Variants in TEX14 observed in about 807,000 individuals in gnomAD.
TEX14 encodes inactive serine/threonine-protein kinase TEX14.
TEX14 carries 168 observed loss-of-function variants against 178.6 expected under a neutral mutation model. The ratio of observed to expected loss-of-function variants is 0.94; its 90% CI spans 0.83 to 1.07. The LOEUF (loss-of-function observed/expected upper bound fraction) is 1.07, where lower values mean the gene tolerates loss of function less well. TEX14 is among the 50% of genes least tolerant of loss of function. TEX14 has a pLI of 0.00. For synonymous variants in TEX14, 626 were observed against 634.1 expected (o/e 0.99, Z 0.19); for missense variants, 1,730 against 1,753.6 (o/e 0.99, Z 0.24).
At chr17:58,628,528 C>T (rs976140177) in intron 3 of TEX14, among the ~76,000 whole-genome samples, 4 of 152,070 alleles carry the variant, frequency 2.6e-5, no homozygotes, top group Admixed American at 6.5e-5. Flanking sequence ...CTAGCTAACA[C>T]GGTGAAACCC....
chr17:58,627,214 G>A (rs529136547), intron 3 of TEX14, among the ~76,000 whole-genome samples: 5 of 152,256 alleles, frequency 3.3e-5, no homozygotes, highest in African/African-American at 1.2e-4. Flanking sequence ...TTATGGGCTA[G>A]TCTCAATTCC....
rs143036002 is a variant in TEX14, at chr17:58,602,760, C to T, written c.1337-170G>A. Among the ~76,000 whole-genome samples, 353 of 152,144 alleles carry T rather than the reference C, an allele frequency of 2.3e-3. 1 individual carries two copies. The highest frequency in any genetic ancestry group is 8.2e-3 in the African/African-American group (340 of 41,512). ...AATTCATTTCCTTATATATTAATTTCTCTCTGTAGAAAAACTACCCAGAGG... is the reference window on the plus strand; with the variant it reads ...AATTCATTTCCTTATATATTAATTTTTCTCTGTAGAAAAACTACCCAGAGG... On this transcript the variant is annotated intron_variant, in intron 11 of 31. Coordinates refer to ENST00000349033, the MANE Select transcript of TEX14 (RefSeq NM_031272.5).
intron 1 of TEX14, among the ~76,000 whole-genome samples, chr17:58,686,861 C>CTTTTTTTTT (rs71143271): frequency 4.2e-5 from 3 of 71,480 alleles, no homozygotes; most frequent in Non-Finnish European, 7.6e-5. Context: ...GAAAGGTCAC[C>CTTTTTTTTT]TTTTTTTTTT....
At chr17:58,652,813 A>G (rs758385195) in intron 1 of TEX14, among the ~76,000 whole-genome samples, 4 of 152,236 alleles carry the variant, frequency 2.6e-5, no homozygotes, top group Non-Finnish European at 5.9e-5. Flanking sequence ...TTCACAGTTC[A>G]GACTCTGAAA....
At chr17:58,587,769 G>A in intron 16 of TEX14, 103 bp from the exon 17 acceptor site, 1 of 1,147,734 alleles carries the variant, frequency 8.7e-7, no homozygotes, top group Non-Finnish European at 1.3e-6. Context: ...AGCCCATCCA[G>A]AGGACCTGTT....
intron 20 of TEX14, among the ~76,000 whole-genome samples, chr17:58,578,777 TA>T (rs2044741295): frequency 6.6e-6 from 1 of 152,104 alleles, no homozygotes; most frequent in South Asian, 2.1e-4. Context: ...AGACTTTAAG[TA>T]AAAGTTGATC....
At position 58,569,109 on chromosome 17, in the gene TEX14, C is replaced by T; in HGVS notation, c.3886+83G>A. On this transcript the variant is annotated intron_variant, in intron 26 of 31. Coordinates refer to ENST00000349033, the MANE Select transcript of TEX14 (RefSeq NM_031272.5). This position sits in a 1 kb window ranked among gnomAD's most constrained non-coding sequence, Gnocchi z 4.1. ...ATACAGCCTTTTATACTAGTGTTCA[C>T]ACTTGAGACAAAGACACCATACTGT... The T allele has an allele frequency of 2.5e-6, 3 of 1,210,330 alleles. No homozygotes were observed. The South Asian group carries it at 4.0e-5, about 16-fold the overall frequency. 75.0% of individuals were successfully genotyped at this position (1,210,330 alleles called of 1,614,324 possible).
intron 1 of TEX14, among the ~76,000 whole-genome samples, chr17:58,685,098 T>C (rs1251110679): frequency 6.6e-6 from 1 of 152,168 alleles, no homozygotes; most frequent in African/African-American, 2.4e-5. Context: ...TATAATTTTG[T>C]ATAGACCTTC....
At chr17:58,661,452 G>A (rs1598427719) in intron 1 of TEX14, 1 of 788,768 alleles carries the variant, frequency 1.3e-6, no homozygotes, top group East Asian at 2.4e-5. Flanking sequence ...TTGTCAAGGA[G>A]GTCGAGGCCC....
intron 2 of TEX14, among the ~76,000 whole-genome samples, chr17:58,649,499 C>T (rs2046794086): frequency 1.3e-5 from 2 of 152,146 alleles, no homozygotes; most frequent in Non-Finnish European, 2.9e-5. Flanking sequence ...AGATAGAATT[C>T]CCAGACACAG....
chr17:58,593,500 A>C (rs543529160), intron 15 of TEX14, 55 bp downstream of exon 15: 2 of 1,311,446 alleles, frequency 1.5e-6, no homozygotes, highest in South Asian at 2.4e-5. Context: ...GGCCTCAGAG[A>C]CACACAGAAG....
chr17:58,683,520 T>TG (rs1209446399), intron 1 of TEX14, among the ~76,000 whole-genome samples: 1 of 152,040 alleles, frequency 6.6e-6, no homozygotes, highest in Non-Finnish European at 1.5e-5. Context: ...CCCAGCACTT[T>TG]GGGAGGCTGA....
intron 2 of TEX14, among the ~76,000 whole-genome samples, chr17:58,642,532 A>T (rs929592411): frequency 9.3e-5 from 14 of 149,914 alleles, no homozygotes; most frequent in African/African-American, 2.7e-4. Flanking sequence ...ATTTTATTTT[A>T]TTTATTTTTT....
chr17:58,683,928 G>A (rs1156952559), intron 1 of TEX14, among the ~76,000 whole-genome samples: 1 of 145,634 alleles, frequency 6.9e-6, no homozygotes, highest in African/African-American at 2.5e-5. Context: ...AGCTGGGCGT[G>A]GTGGTGCATC....
intron 10 of TEX14, among the ~76,000 whole-genome samples, chr17:58,606,755 C>G (rs941927844): frequency 6.6e-6 from 1 of 151,248 alleles, no homozygotes; most frequent in South Asian, 2.1e-4. Flanking sequence ...GGGCCAGGAG[C>G]AGTGGCTCAT....
intron 3 of TEX14, 85 bp from the exon 4 acceptor site, chr17:58,623,097 C>T (rs1598394994): frequency 7.8e-7 from 1 of 1,283,672 alleles, no homozygotes; most frequent in African/African-American, 1.5e-5. Context: ...ACACAGGGCT[C>T]CCATTCTACA....
rs1402892054 is a variant in TEX14, at chr17:58,630,431, T to A, written c.251+9A>T. 6.4e-7 allele frequency: 1 copy of A among 1,571,182 alleles called. No individual in the cohort carries two copies. The highest frequency in any genetic ancestry group is 1.3e-5 in the African/African-American group (1 of 74,104). ...CCTATTTTCTAGACATCAATATTAT[T>A]GTACTTACTGATTTGGATCTGATCC... On this transcript the variant is annotated intron_variant, in intron 3 of 31. Transcript: ENST00000349033.
rs562144179 is a variant in TEX14 at position 58,627,144 on chromosome 17, G to A, written c.251+3296C>T. Among the ~76,000 whole-genome samples the A allele has an allele frequency of 2.8e-4, 43 of 152,070 alleles. No homozygotes were observed. The East Asian group carries it at 8.3e-3, about 29-fold the overall frequency. On this transcript the variant is annotated intron_variant, in intron 3 of 31. Transcript: ENST00000349033. ...AAAAGGGAACTTCTTTAAACTCTGA[G>A]GTCTTCAGAAGCTGGGCTCCTTCCT...
chr17:58,658,536 T>A (rs1259858088), intron 1 of TEX14, among the ~76,000 whole-genome samples: 1 of 140,850 alleles, frequency 7.1e-6, no homozygotes, highest in Admixed American at 7.2e-5. Context: ...ATTACAGATG[T>A]GCGCCACCAT....
Sources: allele counts gnomAD v4.1 joint callset (sites outside exome capture counted in the v4.1 genomes callset), GRCh38; gene constraint gnomAD v4.1.1; non-coding constraint Gnocchi (gnomAD v3.1); transcripts MANE v1.5; gene names NCBI Gene and HGNC (gene_info 2026-07-23, HGNC 2026-07-21).